The following LEF1 variants were observed in gnomAD, a reference collection of about 807,000 sequenced individuals.
LEF1 encodes the protein lymphoid enhancer-binding factor 1.
In LEF1, 14 loss-of-function variants were observed where a neutral mutation model predicts 51.2. The ratio of observed to expected loss-of-function variants is 0.27; its 90% CI spans 0.18 to 0.43. LEF1 has a LOEUF of 0.43. Among genes scored for constraint, LEF1 ranks in the 20% least tolerant of loss-of-function variants. The pLI is 1.00. For missense variants in LEF1, 386 were observed against 512.0 expected (o/e 0.75, Z 2.37); for synonymous variants, 185 against 183.2 (o/e 1.01, Z -0.08).
At chr4:108,135,502 C>A (rs1364227661) in intron 3 of LEF1, among the ~76,000 whole-genome samples, 1 of 152,198 alleles carries the variant, frequency 6.6e-6, no homozygotes, top group African/African-American at 2.4e-5. Context: ...TGCAAGCATC[C>A]CTTCCAGTGG....
At chr4:108,114,765 G>A (rs1247572681) in intron 3 of LEF1, among the ~76,000 whole-genome samples, 1 of 152,228 alleles carries the variant, frequency 6.6e-6, no homozygotes, top group African/African-American at 2.4e-5. Context: ...TCCGTCAGGG[G>A]CTATCAGGTT....
At chr4:108,117,370 T>C (rs1166914804) in intron 3 of LEF1, among the ~76,000 whole-genome samples, 1 of 152,258 alleles carries the variant, frequency 6.6e-6, no homozygotes, top group Admixed American at 6.5e-5. Flanking sequence ...TAGTGTAATT[T>C]ACCACTTGTT....
At chr4:108,073,965 A>G (rs754864924) in intron 8 of LEF1, among the ~76,000 whole-genome samples, 2 of 152,064 alleles carry the variant, frequency 1.3e-5, no homozygotes, top group Non-Finnish European at 2.9e-5. Flanking sequence ...AGCTGGGACG[A>G]CAGGTGCGTC....
At chr4:108,081,818 G>A (rs569651037) in intron 5 of LEF1, 149 bp from the exon 6 acceptor site, 23 of 626,984 alleles carry the variant, frequency 3.7e-5, no homozygotes, top group African/African-American at 2.9e-4. Context: ...AAACGTAACC[G>A]TTCCCCTTCC....
chr4:108,086,722 A>G (rs1029595769), intron 4 of LEF1, among the ~76,000 whole-genome samples: 5 of 152,206 alleles, frequency 3.3e-5, no homozygotes, highest in Non-Finnish European at 7.3e-5. Flanking sequence ...AGATAAAAAC[A>G]GACATCTAAA....
chr4:108,112,641 G>T (rs1741602742), intron 3 of LEF1, among the ~76,000 whole-genome samples: 1 of 152,168 alleles, frequency 6.6e-6, no homozygotes, highest in South Asian at 2.1e-4. Flanking sequence ...TAAGTGAGCT[G>T]CTATTAGTTA....
intron 1 of LEF1, chr4:108,166,727 G>A: frequency 1.0e-6 from 1 of 989,684 alleles, no homozygotes; most frequent in Non-Finnish European, 1.2e-6. Context: ...CTAGTGCCCG[G>A]CTTCCGCTGC....
chr4:108,124,939 G>A (rs916253025), intron 3 of LEF1, among the ~76,000 whole-genome samples: 3 of 152,082 alleles, frequency 2.0e-5, no homozygotes, highest in African/African-American at 7.2e-5. Flanking sequence ...CAACCCGTGG[G>A]AGTCATTATT....
chr4:108,122,024 G>A (rs1331080386), intron 3 of LEF1, among the ~76,000 whole-genome samples: 2 of 152,154 alleles, frequency 1.3e-5, no homozygotes, highest in African/African-American at 2.4e-5. Context: ...ATCCTTTGAA[G>A]TTTTTTAACA....
chr4:108,144,041 A>C (rs1011963642), intron 3 of LEF1, among the ~76,000 whole-genome samples: 1 of 152,192 alleles, frequency 6.6e-6, no homozygotes, highest in African/African-American at 2.4e-5. Context: ...AAAGAAAAGA[A>C]AACTGCCTCA....
intron 11 of LEF1, 92 bp from the exon 12 acceptor site, chr4:108,048,843 C>A: frequency 2.6e-6 from 2 of 781,186 alleles, no homozygotes; most frequent in Non-Finnish European, 3.8e-6. Context: ...TGTCTTACAA[C>A]CTCTGCATTT....
At chr4:108,091,294 A>G (rs1265790889) in intron 3 of LEF1, among the ~76,000 whole-genome samples, 1 of 152,068 alleles carries the variant, frequency 6.6e-6, no homozygotes, top group Non-Finnish European at 1.5e-5. Flanking sequence ...TTTGAACTTA[A>G]TATTTTTTAC....
intron 9 of LEF1, among the ~76,000 whole-genome samples, chr4:108,069,896 T>G (rs1290736527): frequency 6.6e-6 from 1 of 150,610 alleles, no homozygotes; most frequent in Non-Finnish European, 1.5e-5. Flanking sequence ...AGGCAGAGGT[T>G]GCAGTGAGCC....
chr4:108,165,210 A>G, intron 1 of LEF1, 47 bp from the exon 2 acceptor site: 1 of 1,556,790 alleles, frequency 6.4e-7, no homozygotes, highest in Non-Finnish European at 8.9e-7. Context: ...ATCACCTTAG[A>G]GTTTGTGACA....
chr4:108,086,275 T>C (rs945639822), intron 4 of LEF1, among the ~76,000 whole-genome samples: 1 of 152,120 alleles, frequency 6.6e-6, no homozygotes, highest in African/African-American at 2.4e-5. Context: ...TTTTTAGAGC[T>C]GAGGGGGTCT....
intron 11 of LEF1, among the ~76,000 whole-genome samples, chr4:108,052,970 A>G (rs1737100043): frequency 1.3e-5 from 2 of 152,322 alleles, no homozygotes; most frequent in South Asian, 4.1e-4. Context: ...TAACTTGCCA[A>G]AGGTCACCCA....
At chr4:108,116,108 AAG>A (rs1465351665) in intron 3 of LEF1, among the ~76,000 whole-genome samples, 2 of 152,214 alleles carry the variant, frequency 1.3e-5, no homozygotes, top group Non-Finnish European at 2.9e-5. Context: ...GAGGTAAAAT[AAG>A]AGAGTCAAAT....
chr4:108,115,644 A>G (rs1049590089), intron 3 of LEF1, among the ~76,000 whole-genome samples: 17 of 152,350 alleles, frequency 1.1e-4, no homozygotes, highest in African/African-American at 3.6e-4. Context: ...GTAGAAATAG[A>G]TAAGACTAAC....
intron 3 of LEF1, among the ~76,000 whole-genome samples, chr4:108,133,305 C>T (rs997179769): frequency 1.3e-4 from 20 of 152,166 alleles, no homozygotes; most frequent in African/African-American, 3.1e-4. Context: ...TTAGATCAAC[C>T]TTATTAAATG....
Sources: gnomAD v4.1 joint callset for allele counts (sites outside exome capture counted in the v4.1 genomes callset) on GRCh38, gnomAD v4.1.1 for gene constraint, MANE v1.5 for transcripts, NCBI Gene and HGNC (gene_info 2026-07-23, HGNC 2026-07-21) for gene names.